Variants in TLK2 observed in about 807,000 individuals in gnomAD.
TLK2 encodes serine/threonine-protein kinase tousled-like 2.
In TLK2, 6 loss-of-function variants were observed where a neutral mutation model predicts 117.3. The observed-to-expected ratio is 0.05, with a 90% CI of 0.03 to 0.10. TLK2 has a LOEUF of 0.10. Ranked by LOEUF, TLK2 falls within the 10% of genes least tolerant of loss-of-function variation. The pLI is 1.00. For missense variants in TLK2, 299 were observed against 901.2 expected (o/e 0.33, Z 8.56); for synonymous variants, 257 against 316.7 (o/e 0.81, Z 2.00).
At chr17:62,513,646 T>C (rs551973304) in intron 2 of TLK2, among the ~76,000 whole-genome samples, 2 of 152,288 alleles carry the variant, frequency 1.3e-5, no homozygotes, top group Admixed American at 1.3e-4. Flanking sequence ...TTTATACTTT[T>C]GTAAAAAATC....
At position 62,614,941 on chromosome 17, in the gene TLK2, G is replaced by T. The variant is rs1272292463; in HGVS notation, c.*2376G>T. ...TTTTTTCTTCCTCTCCAATGATCTT[G>T]CAGTTGATTTGTTTGTTTTTTAATT... On this transcript the variant is annotated 3_prime_UTR_variant, in exon 22 of 22. Coordinates refer to ENST00000346027, the MANE Select transcript of TLK2 (RefSeq NM_006852.6). The T allele has an allele frequency of 1.3e-5, 2 of 152,036 alleles. No homozygotes were observed. Among genetic ancestry groups the T allele is most frequent in the Non-Finnish European group, 2.9e-5 (2 of 68,000 alleles). The allele number at this position is 152,036 out of a possible 1,614,324, so 9.4% of individuals were successfully genotyped here.
chr17:62,549,441 A>G (rs2078261896), intron 7 of TLK2, among the ~76,000 whole-genome samples: 1 of 141,756 alleles, frequency 7.1e-6, no homozygotes, highest in Admixed American at 7.1e-5. Flanking sequence ...AAAAAAATAG[A>G]AACACATTGT....
intron 2 of TLK2, among the ~76,000 whole-genome samples, chr17:62,483,534 ACT>A (rs2071951798): frequency 6.6e-6 from 1 of 152,192 alleles, no homozygotes; most frequent in African/African-American, 2.4e-5. Context: ...AGAGGGTCTC[ACT>A]CTCTAGCCTA....
intron 16 of TLK2, 65 bp from the exon 17 acceptor site, chr17:62,596,520 A>T: frequency 8.6e-7 from 1 of 1,158,064 alleles, no homozygotes; most frequent in South Asian, 1.2e-5. Context: ...ATTTAGGAGG[A>T]TCTTTGAAGA....
upstream of TLK2, chr17:62,477,598 C>CTGT (rs909750598): frequency 3.9e-5 from 6 of 152,198 alleles, no homozygotes; most frequent in African/African-American, 1.4e-4. Context: ...AAGTTCAAGG[C>CTGT]TGTTGTTCAA....
At chr17:62,556,819 G>C (rs1321240954) in intron 9 of TLK2, among the ~76,000 whole-genome samples, 1 of 150,320 alleles carries the variant, frequency 6.7e-6, no homozygotes, top group East Asian at 1.9e-4. Flanking sequence ...TTTCTCACAT[G>C]TTATGTCTTA....
intron 9 of TLK2, among the ~76,000 whole-genome samples, 193 bp from the exon 10 acceptor site, chr17:62,559,820 AGAT>A (rs1251599475): frequency 6.6e-6 from 1 of 152,268 alleles, no homozygotes; most frequent in East Asian, 1.9e-4. Flanking sequence ...ATTTACAAAT[AGAT>A]GATATGTTAT....
chr17:62,610,220 T>C (rs147243651), intron 21 of TLK2, among the ~76,000 whole-genome samples: 1 of 152,390 alleles, frequency 6.6e-6, no homozygotes, highest in African/African-American at 2.4e-5. Context: ...TTGTGAAGAA[T>C]ACAGAAGTAT....
chr17:62,482,979 T>A (rs375629054), intron 2 of TLK2, among the ~76,000 whole-genome samples: 3 of 152,230 alleles, frequency 2.0e-5, no homozygotes, highest in Non-Finnish European at 2.9e-5. Flanking sequence ...CAGTTTACTT[T>A]TGTGGCACTT....
intron 6 of TLK2, among the ~76,000 whole-genome samples, chr17:62,533,875 T>C (rs1323203616): frequency 6.6e-6 from 1 of 152,222 alleles, no homozygotes; most frequent in African/African-American, 2.4e-5. Flanking sequence ...TTTTTATATA[T>C]GATAAAAGGT....
At chr17:62,492,837 C>A (rs528279068) in intron 2 of TLK2, among the ~76,000 whole-genome samples, 7 of 152,110 alleles carry the variant, frequency 4.6e-5, no homozygotes, top group African/African-American at 1.7e-4. Flanking sequence ...ATGGTTCAAG[C>A]CCATAATTTC....
intron 16 of TLK2, among the ~76,000 whole-genome samples, chr17:62,588,225 A>G (rs979773124): frequency 6.6e-6 from 1 of 152,266 alleles, no homozygotes; most frequent in African/African-American, 2.4e-5. Context: ...GCCTAGTCTC[A>G]GTATCCAGGT....
At position 62,479,021 on chromosome 17, in the gene TLK2, C is replaced by T. The variant is rs2071269541; in HGVS notation, c.-275C>T. ...GGCGCCAGGAGGCCGGTCCCGCGCC[C>T]CCCGCGGCCGCCCGGGCCCGGGCCC... On this transcript the variant is annotated 5_prime_UTR_variant, in exon 1 of 22. Transcript: ENST00000346027. 6.6e-6 allele frequency: 1 copy of T among 150,668 alleles called. No individual in the cohort carries two copies. Among genetic ancestry groups the T allele is most frequent in the Non-Finnish European group, 1.5e-5 (1 of 67,560 alleles). 9.3% of individuals were successfully genotyped at this position (150,668 alleles called of 1,614,324 possible).
At chr17:62,594,830 A>ACACACC (rs533208593) in intron 16 of TLK2, among the ~76,000 whole-genome samples, 1 of 137,884 alleles carries the variant, frequency 7.3e-6, no homozygotes. Flanking sequence ...ACACACACAC[A>ACACACC]CCCCATGTGG....
At chr17:62,583,317 A>T (rs879867930) in intron 15 of TLK2, among the ~76,000 whole-genome samples, 7 of 151,346 alleles carry the variant, frequency 4.6e-5, no homozygotes, top group Non-Finnish European at 1.0e-4. Flanking sequence ...CTAGTCTCGA[A>T]CTCCTGACCT....
intron 9 of TLK2, among the ~76,000 whole-genome samples, chr17:62,558,358 T>G (rs1598577532): frequency 6.6e-6 from 1 of 152,204 alleles, no homozygotes; most frequent in Non-Finnish European, 1.5e-5. Flanking sequence ...GACTAAGGTT[T>G]TGCCATGTTG....
intron 6 of TLK2, among the ~76,000 whole-genome samples, chr17:62,532,449 T>A (rs926422401): frequency 5.9e-5 from 9 of 152,214 alleles, no homozygotes; most frequent in Non-Finnish European, 7.3e-5. Context: ...ACTGTTACAT[T>A]TGCTGGGGTA....
chr17:62,494,588 G>A (rs1007246894), intron 2 of TLK2, among the ~76,000 whole-genome samples: 10 of 151,048 alleles, frequency 6.6e-5, no homozygotes, highest in Non-Finnish European at 1.2e-4. Flanking sequence ...GTTTCACCAC[G>A]TTGCCCAGGC....
chr17:62,576,877 A>C, intron 13 of TLK2, 102 bp downstream of exon 13: 1 of 819,424 alleles, frequency 1.2e-6, no homozygotes. Flanking sequence ...GTAGCTGCAC[A>C]TAGCAGCAGA....
Sources: allele counts gnomAD v4.1 joint callset (sites outside exome capture counted in the v4.1 genomes callset), GRCh38; gene constraint gnomAD v4.1.1; transcripts MANE v1.5; gene names NCBI Gene and HGNC (gene_info 2026-07-23, HGNC 2026-07-21).